FARSB: variants seen among roughly 807,000 people sequenced by gnomAD.
FARSB encodes phenylalanyl-tRNA synthetase subunit beta.
FARSB carries 40 observed loss-of-function variants against 69.6 expected under a neutral mutation model. The ratio of observed to expected loss-of-function variants is 0.57; its 90% CI spans 0.45 to 0.75. The LOEUF (loss-of-function observed/expected upper bound fraction) is 0.75, where lower values mean the gene tolerates loss of function less well. FARSB is among the 30% of genes least tolerant of loss of function. The pLI is 0.00. For synonymous variants in FARSB, 235 were observed against 247.2 expected (o/e 0.95, Z 0.46); for missense variants, 632 against 722.9 (o/e 0.87, Z 1.44).
At chr2:222,572,332 C>T (rs779608473) in intron 16 of FARSB, among the ~76,000 whole-genome samples, 1 of 152,236 alleles carries the variant, frequency 6.6e-6, no homozygotes, top group South Asian at 2.1e-4. Flanking sequence ...CCTAGGGGAA[C>T]TCTGCCTGCA....
In FARSB at chr2:222,619,708, TA is replaced by T; in HGVS notation, c.1280del (p.Leu427GlnfsTer13). ...CCTTTGTTGCAGAGATATCCACACCTAGTTTATCAGCAATATCTTCTTGGGA... is the reference window on the plus strand; with the variant it reads ...CCTTTGTTGCAGAGATATCCACACCTGTTTATCAGCAATATCTTCTTGGGA... ...LCSQEDIADK[L>X]GVDISATKAV... On this transcript the variant is annotated frameshift_variant, in exon 14 of 17. Transcript: ENST00000281828. LOFTEE classifies it high-confidence loss of function. 6.2e-7 allele frequency: 1 copy of T among 1,604,324 alleles called. No individual in the cohort carries two copies. The highest frequency in any genetic ancestry group is 8.5e-7 in the Non-Finnish European group (1 of 1,171,674).
At chr2:222,596,966 CAG>C (rs1230240479) in intron 16 of FARSB, among the ~76,000 whole-genome samples, 1 of 152,054 alleles carries the variant, frequency 6.6e-6, no homozygotes, top group Non-Finnish European at 1.5e-5. Flanking sequence ...ATAATCAAAA[CAG>C]AAATCCCTAT....
intron 1 of FARSB, among the ~76,000 whole-genome samples, chr2:222,655,523 C>T (rs1306613512): frequency 1.3e-5 from 2 of 152,204 alleles, no homozygotes; most frequent in African/African-American, 4.8e-5. Context: ...GTGTGCACAG[C>T]TCTAGTCCTA....
At chr2:222,575,630 A>G (rs1334570378) in intron 16 of FARSB, among the ~76,000 whole-genome samples, 1 of 152,242 alleles carries the variant, frequency 6.6e-6, no homozygotes, top group Non-Finnish European at 1.5e-5. Flanking sequence ...ACGGCTTCCA[A>G]CATAAAACAG....
intron 4 of FARSB, among the ~76,000 whole-genome samples, chr2:222,640,365 C>T (rs554322883): frequency 6.6e-6 from 1 of 152,140 alleles, no homozygotes; most frequent in African/African-American, 2.4e-5. Context: ...TGGCGTGTGC[C>T]TGTACTCCCA....
intron 16 of FARSB, among the ~76,000 whole-genome samples, chr2:222,592,356 C>T (rs181312534): frequency 0.01 from 1,565 of 152,204 alleles, 89 homozygotes; most frequent in Admixed American, 0.097. Context: ...CCACTTAGAG[C>T]GTTGACAGTT....
At chr2:222,628,609 G>A (rs982707921) in intron 10 of FARSB, among the ~76,000 whole-genome samples, 6 of 152,094 alleles carry the variant, frequency 3.9e-5, no homozygotes, top group Non-Finnish European at 5.9e-5. Flanking sequence ...AATAAGCAAG[G>A]TATTTAACAT....
At chr2:222,583,383 C>T (rs1690022764) in intron 16 of FARSB, among the ~76,000 whole-genome samples, 1 of 152,168 alleles carries the variant, frequency 6.6e-6, no homozygotes, top group Admixed American at 6.5e-5. Flanking sequence ...TTACAGTGAA[C>T]ATTATCAGTT....
At position 222,624,485 on chromosome 2, in the gene FARSB, A is replaced by G; in HGVS notation, c.963-6T>C. The G allele has an allele frequency of 6.3e-7, 1 of 1,583,942 alleles. No homozygotes were observed. On this transcript the variant is annotated splice_polypyrimidine_tract_variant and splice_region_variant and intron_variant, in intron 11 of 16. Transcript: ENST00000281828. ...CAAGATTTTCTGGAGTTTCTCTGAA[A>G]AAGGAATGAACAAACCATAAACTTC...
At chr2:222,603,452 T>C (rs1049590636) in intron 15 of FARSB, among the ~76,000 whole-genome samples, 20 of 151,896 alleles carry the variant, frequency 1.3e-4, no homozygotes, top group African/African-American at 4.8e-4. Context: ...TAACATTAAC[T>C]GTTAATCTGT....
chr2:222,615,147 T>A (rs1690964684), intron 14 of FARSB, among the ~76,000 whole-genome samples: 1 of 152,246 alleles, frequency 6.6e-6, no homozygotes, highest in African/African-American at 2.4e-5. Context: ...TTTCTCCCTG[T>A]AAGCTATACG....
chr2:222,608,658 G>T (rs973278056), intron 15 of FARSB, among the ~76,000 whole-genome samples: 1 of 152,164 alleles, frequency 6.6e-6, no homozygotes, highest in Non-Finnish European at 1.5e-5. Context: ...AGAAGAAGTA[G>T]ATCATTCGCT....
At chr2:222,647,548 T>A (rs1416820762) in intron 2 of FARSB, among the ~76,000 whole-genome samples, 2 of 152,162 alleles carry the variant, frequency 1.3e-5, no homozygotes, top group Non-Finnish European at 2.9e-5. Context: ...ATATTAGAAC[T>A]TATTAGCTGG....
At position 222,613,901 on chromosome 2, in the gene FARSB, G is replaced by A. The variant is rs757389240; in HGVS notation, c.1372C>T (p.Leu458Phe). The A allele has an allele frequency of 6.2e-7, 1 of 1,613,404 alleles. No individual in the cohort carries two copies. Among genetic ancestry groups the A allele is most frequent in the Non-Finnish European group, 8.5e-7 (1 of 1,179,524 alleles). The change falls in exon 15 of 17, where the codon CTC (leucine) becomes TTC (phenylalanine). Residue 458 changes from leucine (L) to phenylalanine (F), a missense_variant. Leu to Phe is a conservative substitution (Grantham distance 22). Coordinates refer to ENST00000281828, the MANE Select transcript of FARSB (RefSeq NM_005687.5). ...CGATTTGCTGCTATGGTCTTCAGGA[G>A]GCCAGGAAGAAGGGTAGTGCGTGCC... ...QVARTTLLPGLLKTIAANRKM... is the reference protein window; with the variant it reads ...QVARTTLLPGFLKTIAANRKM...
intron 16 of FARSB, among the ~76,000 whole-genome samples, chr2:222,575,874 C>A (rs1689827464): frequency 6.6e-6 from 1 of 152,102 alleles, no homozygotes; most frequent in Non-Finnish European, 1.5e-5. Flanking sequence ...CAGCACAGCA[C>A]CCAGGCTTTA....
chr2:222,622,411 G>A (rs955977653), intron 13 of FARSB, among the ~76,000 whole-genome samples: 11 of 152,144 alleles, frequency 7.2e-5, no homozygotes, highest in Non-Finnish European at 1.5e-4. Flanking sequence ...TTGTTTCTGG[G>A]GAGGAAAAGA....
intron 4 of FARSB, among the ~76,000 whole-genome samples, chr2:222,640,519 G>A (rs1343371784): frequency 6.6e-6 from 1 of 151,562 alleles, no homozygotes; most frequent in Non-Finnish European, 1.5e-5. Flanking sequence ...AAATACTCAA[G>A]AAGCTGCAGG....
rs530056752 is a variant in FARSB at position 222,571,978 on chromosome 2, C to A, written c.1663G>T (p.Gly555Cys). 2 of 1,613,820 alleles carry A rather than the reference C, an allele frequency of 1.2e-6. No homozygotes were observed. The highest frequency in any genetic ancestry group is 4.5e-5 in the East Asian group (2 of 44,872). Reference sequence around the variant, plus strand: ...ACCCCAAGCTTCCCGACGCTTTGACCCCTGGCAAAGATCTCTGCACATCGC... The same window carrying A: ...ACCCCAAGCTTCCCGACGCTTTGACACCTGGCAAAGATCTCTGCACATCGC... ...PGRCAEIFARGQSVGKLGVLH... is the reference protein window; with the variant it reads ...PGRCAEIFARCQSVGKLGVLH... The change falls in exon 17 of 17, where the codon GGT becomes TGT. Residue 555 changes from glycine to cysteine, a missense_variant. By Grantham distance (159) the Gly-to-Cys change is radical. Transcript: ENST00000281828.
intron 15 of FARSB, among the ~76,000 whole-genome samples, chr2:222,601,296 A>T (rs1023041634): frequency 2.0e-5 from 3 of 152,230 alleles, no homozygotes; most frequent in East Asian, 1.9e-4. Context: ...ATAATTTTTT[A>T]AAGTATATGA....
Sources: gnomAD v4.1 joint callset for allele counts (sites outside exome capture counted in the v4.1 genomes callset) on GRCh38, gnomAD v4.1.1 for gene constraint, MANE v1.5 for transcripts, NCBI Gene and HGNC (gene_info 2026-07-23, HGNC 2026-07-21) for gene names.